The following RORA variants were observed in gnomAD, a reference collection of about 807,000 sequenced individuals.
The protein encoded by RORA is RAR related orphan receptor A.
In RORA, 7 loss-of-function variants were observed where a neutral mutation model predicts 69.5. The ratio of observed to expected loss-of-function variants is 0.10; its 90% confidence interval spans 0.06 to 0.19. RORA has a LOEUF of 0.19. RORA is among the 10% of genes least tolerant of loss of function. RORA has a pLI of 1.00. For missense variants in RORA, 457 were observed against 663.0 expected (o/e 0.69, Z 3.41); for synonymous variants, 261 against 240.8 (o/e 1.08, Z -0.78).
At chr15:60,809,151 T>C (rs930256857) in intron 1 of RORA, among the ~76,000 whole-genome samples, 2 of 149,604 alleles carry the variant, frequency 1.3e-5, no homozygotes, top group Non-Finnish European at 3.0e-5. Flanking sequence ...ACGCCACTTG[T>C]TCCCCCAAAA....
At position 61,131,180 on chromosome 15, in the gene RORA, T is replaced by C. The variant is rs1423039743; in HGVS notation, c.166+97873A>G. On this transcript the variant is annotated intron_variant, in intron 1 of 10. Transcript: ENST00000335670. This position sits in a 1 kb window ranked among gnomAD's most constrained non-coding sequence, Gnocchi z 4.2. ...CCACTTTTGAACACTGGGTGTAAACTTGATGGTCACTAACATTCCTGACCA... is the reference window on the plus strand; with the variant it reads ...CCACTTTTGAACACTGGGTGTAAACCTGATGGTCACTAACATTCCTGACCA... 6.6e-6 allele frequency among the ~76,000 whole-genome samples: 1 copy of C among 152,202 alleles called. No individual in the cohort carries two copies. The highest frequency in any genetic ancestry group is 1.5e-5 in the Non-Finnish European group (1 of 68,042).
intron 4 of RORA, among the ~76,000 whole-genome samples, chr15:60,514,322 G>C (rs2065795564): frequency 6.6e-6 from 1 of 152,012 alleles, no homozygotes; most frequent in South Asian, 2.1e-4. Context: ...TCAGTCAATC[G>C]ACCCACCTAT....
intron 1 of RORA, among the ~76,000 whole-genome samples, chr15:61,164,098 A>C (rs1457194270): frequency 1.3e-5 from 2 of 152,046 alleles, no homozygotes; most frequent in Non-Finnish European, 1.5e-5. Context: ...CTGTGCATCA[A>C]TGGTACAGCC....
chr15:60,739,468 G>A (rs939336141), intron 1 of RORA, among the ~76,000 whole-genome samples: 1 of 152,056 alleles, frequency 6.6e-6, no homozygotes, highest in African/African-American at 2.4e-5. Flanking sequence ...CTACTCGAGG[G>A]GCTGAGTAGG....
chr15:60,636,490 C>G (rs1266396714), intron 2 of RORA, among the ~76,000 whole-genome samples: 1 of 152,108 alleles, frequency 6.6e-6, no homozygotes. Flanking sequence ...CTGGAGTGAA[C>G]TTGAATAAAA....
intron 1 of RORA, among the ~76,000 whole-genome samples, chr15:61,159,720 T>G (rs1489658214): frequency 6.6e-6 from 1 of 152,240 alleles, no homozygotes; most frequent in African/African-American, 2.4e-5. Context: ...ATTTTGAATG[T>G]GCAATGGCAA....
chr15:60,526,085 G>T (rs2066345851), intron 3 of RORA, among the ~76,000 whole-genome samples: 1 of 152,180 alleles, frequency 6.6e-6, no homozygotes, highest in Non-Finnish European at 1.5e-5. Context: ...TTGTTCTTTA[G>T]AAAGAGCAGG....
intron 1 of RORA, among the ~76,000 whole-genome samples, chr15:61,195,296 G>A (rs149697105): frequency 6.6e-6 from 1 of 151,838 alleles, no homozygotes; most frequent in Non-Finnish European, 1.5e-5. Context: ...ACCATTAAGG[G>A]TTGCAGTAAC....
chr15:60,846,335 T>C (rs1301635608), intron 1 of RORA, among the ~76,000 whole-genome samples: 1 of 152,242 alleles, frequency 6.6e-6, no homozygotes, highest in Non-Finnish European at 1.5e-5. Flanking sequence ...TATAAATATT[T>C]ATTAATCAGC....
intron 1 of RORA, among the ~76,000 whole-genome samples, chr15:60,929,693 A>G (rs1408624865): frequency 6.6e-6 from 1 of 152,206 alleles, no homozygotes; most frequent in Non-Finnish European, 1.5e-5. Flanking sequence ...CAGAATCGCC[A>G]TATCAGGAGG....
chr15:60,557,304 T>C (rs925031530), intron 2 of RORA, among the ~76,000 whole-genome samples: 2 of 152,212 alleles, frequency 1.3e-5, no homozygotes, highest in South Asian at 2.1e-4. Context: ...ACAACTGTTA[T>C]GGTTATCGGA....
intron 1 of RORA, among the ~76,000 whole-genome samples, chr15:60,789,148 ATGT>A (rs2072381257): frequency 6.6e-6 from 1 of 152,170 alleles, no homozygotes; most frequent in African/African-American, 2.4e-5. Context: ...ACAATTATTG[ATGT>A]TGTCACCAGT....
rs1347940046 is a variant in RORA at position 61,061,387 on chromosome 15, A to AC, written c.166+167665_166+167666insG. ...TAAATAAATAAATAAATAAATAAAT[A>AC]AATAAATAAATACAAGGGCATCGCA... is the stretch of plus-strand genomic sequence containing the variant. On this transcript the variant is annotated intron_variant, in intron 1 of 10. Coordinates refer to ENST00000335670, the MANE Select transcript of RORA (RefSeq NM_134261.3). This position sits in a 1 kb window ranked among gnomAD's most constrained non-coding sequence, Gnocchi z 4.4. Among the ~76,000 whole-genome samples the AC allele has an allele frequency of 1.0e-3, 150 of 150,724 alleles. 1 individual carries two copies. Among genetic ancestry groups the AC allele is most frequent in the Non-Finnish European group, 1.6e-3 (106 of 67,618 alleles).
chr15:60,845,845 C>T (rs529784216), intron 1 of RORA, among the ~76,000 whole-genome samples: 32 of 152,336 alleles, frequency 2.1e-4, no homozygotes, highest in Admixed American at 4.6e-4. Context: ...CTCCCGGGTT[C>T]ACACCATTCT....
intron 1 of RORA, among the ~76,000 whole-genome samples, chr15:60,704,202 T>C (rs1049189617): frequency 9.2e-5 from 14 of 152,346 alleles, no homozygotes; most frequent in Admixed American, 3.9e-4. Context: ...AGTCTAAAGT[T>C]AAGGTTTCTC....
chr15:60,684,585 C>T (rs1353191589), intron 1 of RORA, among the ~76,000 whole-genome samples: 11 of 152,164 alleles, frequency 7.2e-5, no homozygotes, highest in Admixed American at 7.2e-4. Flanking sequence ...CCACTGCACT[C>T]CAGCCTGGGC....
intron 1 of RORA, among the ~76,000 whole-genome samples, chr15:61,112,377 G>A (rs562677003): frequency 6.6e-6 from 1 of 152,286 alleles, no homozygotes; most frequent in East Asian, 1.9e-4. Context: ...AGGAAAGAGG[G>A]AGAGTAGGAG....
chr15:61,029,675 G>A (rs1791581324), intron 1 of RORA, among the ~76,000 whole-genome samples: 2 of 152,148 alleles, frequency 1.3e-5, no homozygotes, highest in South Asian at 4.1e-4. Flanking sequence ...GTGACAGACT[G>A]GATCTGAGGG....
At chr15:60,877,965 C>T (rs2073636336) in intron 1 of RORA, among the ~76,000 whole-genome samples, 1 of 151,910 alleles carries the variant, frequency 6.6e-6, no homozygotes, top group African/African-American at 2.4e-5. Context: ...TAAACATTCA[C>T]AATATTATAC....
Sources: allele counts gnomAD v4.1 joint callset (sites outside exome capture counted in the v4.1 genomes callset), GRCh38; gene constraint gnomAD v4.1.1; non-coding constraint Gnocchi (gnomAD v3.1); transcripts MANE v1.5; gene names NCBI Gene and HGNC (gene_info 2026-07-23, HGNC 2026-07-21).